Variants in GRM1 observed in about 807,000 individuals in gnomAD.
GRM1 encodes glutamate metabotropic receptor 1.
Under a neutral mutation model 90.9 loss-of-function variants are expected in GRM1, and 33 were observed. The ratio of observed to expected loss-of-function variants is 0.36; its 90% CI spans 0.28 to 0.49. GRM1 has a LOEUF of 0.49. Ranked by LOEUF, GRM1 falls within the 20% of genes least tolerant of loss-of-function variation. GRM1 has a pLI of 0.99. For missense variants in GRM1, 1,190 were observed against 1,534.3 expected, an observed-to-expected ratio of 0.78 and a Z score of 3.75; for synonymous variants, 700 against 613.2, an observed-to-expected ratio of 1.14 and a Z score of -2.09.
intron 3 of GRM1, among the ~76,000 whole-genome samples, chr6:146,339,414 T>A (rs1210080423): frequency 6.6e-6 from 1 of 152,182 alleles, no homozygotes; most frequent in Admixed American, 6.5e-5. Flanking sequence ...TTATACACAC[T>A]CATTTTATTT....
At chr6:146,146,999 A>G (rs1777135016) in intron 1 of GRM1, among the ~76,000 whole-genome samples, 1 of 152,186 alleles carries the variant, frequency 6.6e-6, no homozygotes, top group Non-Finnish European at 1.5e-5. Flanking sequence ...GAAGAGACAA[A>G]AGGCTTAAGA....
Position 146,434,476 on chromosome 6 carries a change from C to T in GRM1, c.3265C>T (p.Leu1089=). The T allele has an allele frequency of 6.2e-7, 1 of 1,613,924 alleles. No individual in the cohort carries two copies. ...PLQLSTFGEE[L]VSPPADDDDD... ...GCAGCTGAGCACCTTTGGGGAGGAGCTGGTCTCCCCGCCCGCGGACGACGA... is the reference window on the plus strand; with the variant it reads ...GCAGCTGAGCACCTTTGGGGAGGAGTTGGTCTCCCCGCCCGCGGACGACGA... Residue 1089 remains leucine (L), a synonymous_variant, in exon 8 of 8, where the codon CTG becomes TTG. Transcript: ENST00000282753.
intron 2 of GRM1, among the ~76,000 whole-genome samples, chr6:146,201,019 G>C (rs1028427518): frequency 3.3e-5 from 5 of 152,144 alleles, no homozygotes; most frequent in Admixed American, 2.0e-4. Context: ...TGGTGGTTCT[G>C]TGTTCCCACC....
chr6:146,326,162 C>CACA (rs1346638764), intron 3 of GRM1, among the ~76,000 whole-genome samples: 1 of 152,134 alleles, frequency 6.6e-6, no homozygotes, highest in Non-Finnish European at 1.5e-5. Flanking sequence ...CACAGTTTTT[C>CACA]ACAATAGCAA....
intron 1 of GRM1, among the ~76,000 whole-genome samples, chr6:146,123,335 A>G (rs1011057992): frequency 3.3e-4 from 50 of 152,168 alleles, no homozygotes; most frequent in African/African-American, 1.1e-3. Flanking sequence ...GAGTGAATTT[A>G]TATTCTAATT....
chr6:146,327,211 A>G (rs6903097), intron 3 of GRM1, among the ~76,000 whole-genome samples: 16,755 of 152,200 alleles, frequency 0.11, 1,791 homozygotes, highest in African/African-American at 0.28. Flanking sequence ...TTTAGTCATC[A>G]TATCACCATA....
intron 1 of GRM1, among the ~76,000 whole-genome samples, chr6:146,106,021 C>A (rs1332096311): frequency 2.0e-5 from 3 of 152,100 alleles, no homozygotes; most frequent in Non-Finnish European, 4.4e-5. Context: ...GGGTCTAGGG[C>A]ATTGTTATAA....
chr6:146,152,157 C>T (rs1490629045), intron 1 of GRM1, among the ~76,000 whole-genome samples: 2 of 152,080 alleles, frequency 1.3e-5, no homozygotes, highest in African/African-American at 4.8e-5. Context: ...AGGGGTATGC[C>T]AGAGGCCTCA....
chr6:146,079,225 C>T (rs1250030815), intron 1 of GRM1, among the ~76,000 whole-genome samples: 1 of 152,168 alleles, frequency 6.6e-6, no homozygotes, highest in African/African-American at 2.4e-5. Flanking sequence ...TGTTGCAATG[C>T]CCGTGGGCTG....
intron 2 of GRM1, among the ~76,000 whole-genome samples, chr6:146,236,500 G>A (rs971074825): frequency 6.6e-6 from 1 of 152,058 alleles, no homozygotes; most frequent in African/African-American, 2.4e-5. Context: ...TAGGCACTAG[G>A]GGAACATTCT....
intron 2 of GRM1, among the ~76,000 whole-genome samples, chr6:146,219,572 G>A (rs1028427403): frequency 2.6e-5 from 4 of 152,024 alleles, no homozygotes; most frequent in Non-Finnish European, 5.9e-5. Flanking sequence ...AAGAGAATAG[G>A]AAATATTGGT....
chr6:146,165,708 T>C (rs919434096), intron 2 of GRM1, among the ~76,000 whole-genome samples: 5 of 152,110 alleles, frequency 3.3e-5, no homozygotes, highest in African/African-American at 1.2e-4. Context: ...ATTACACTGC[T>C]AGAAAAAGAC....
chr6:146,418,883 C>A (rs1366969225), intron 7 of GRM1, among the ~76,000 whole-genome samples: 1 of 151,918 alleles, frequency 6.6e-6, no homozygotes, highest in East Asian at 1.9e-4. Context: ...AAGTAATGTT[C>A]GCATGAGAAA....
chr6:146,262,084 C>CAAAAAAAA, intron 2 of GRM1, among the ~76,000 whole-genome samples: 1 of 101,420 alleles, frequency 9.9e-6, no homozygotes, highest in Non-Finnish European at 2.4e-5. Flanking sequence ...GAAAACAAAA[C>CAAAAAAAA]AAAAAAAAAA....
chr6:146,209,007 CT>C (rs1779586911), intron 2 of GRM1, among the ~76,000 whole-genome samples: 3 of 152,018 alleles, frequency 2.0e-5, no homozygotes, highest in Admixed American at 1.3e-4. Context: ...TTTATAATTT[CT>C]TTATAGTTAC....
chr6:146,392,069 G>T (rs958481863), intron 6 of GRM1, among the ~76,000 whole-genome samples: 2 of 152,092 alleles, frequency 1.3e-5, no homozygotes, highest in Non-Finnish European at 2.9e-5. Flanking sequence ...CTTGACTATT[G>T]TCCTCATTAG....
chr6:146,110,522 G>A (rs1461997044), intron 1 of GRM1, among the ~76,000 whole-genome samples: 1 of 152,050 alleles, frequency 6.6e-6, no homozygotes, highest in Admixed American at 6.6e-5. Flanking sequence ...TCAGCAGCAC[G>A]AAAATGTACT....
intron 1 of GRM1, among the ~76,000 whole-genome samples, chr6:146,123,512 A>G (rs1300511213): frequency 1.3e-5 from 2 of 152,194 alleles, no homozygotes; most frequent in African/African-American, 4.8e-5. Context: ...CCCCAAAAAC[A>G]TCTGTACGTT....
At chr6:146,187,301 A>G (rs151307188) in intron 2 of GRM1, among the ~76,000 whole-genome samples, 304 of 152,286 alleles carry the variant, frequency 2.0e-3, no homozygotes, top group African/African-American at 7.0e-3. Flanking sequence ...ATTTCAGAAG[A>G]AAAGATGAAT....
Sources: allele counts gnomAD v4.1 joint callset (sites outside exome capture counted in the v4.1 genomes callset), GRCh38; gene constraint gnomAD v4.1.1; transcripts MANE v1.5; gene names NCBI Gene and HGNC (gene_info 2026-07-23, HGNC 2026-07-21).